The following SOX5 variants were observed in gnomAD, a reference collection of about 807,000 sequenced individuals.
The protein encoded by SOX5 is SRY-box transcription factor 5.
A neutral mutation model predicts 92.0 loss-of-function variants in SOX5; 9 were observed. The observed-to-expected ratio is 0.10, with a 90% confidence interval of 0.06 to 0.17. SOX5 has a LOEUF of 0.17. Among genes scored for constraint, SOX5 ranks in the 10% least tolerant of loss-of-function variants. SOX5 has a pLI of 1.00. For synonymous variants in SOX5, 344 were observed against 336.3 expected (o/e 1.02, Z -0.25); for missense variants, 642 against 944.5 (o/e 0.68, Z 4.20).
At chr12:24,358,643 T>C (rs1305066067) in intron 2 of SOX5, among the ~76,000 whole-genome samples, 1 of 152,012 alleles carries the variant, frequency 6.6e-6, no homozygotes, top group Admixed American at 6.6e-5. Context: ...TTCACTGTCT[T>C]CCAAGAATGG....
intron 4 of SOX5, among the ~76,000 whole-genome samples, chr12:24,081,366 T>C (rs1252795015): frequency 1.3e-5 from 2 of 152,016 alleles, no homozygotes; most frequent in Non-Finnish European, 1.5e-5. Context: ...TAACCACAGA[T>C]GCAGTTTATG....
intron 1 of SOX5, among the ~76,000 whole-genome samples, chr12:23,948,450 C>T (rs1056758808): frequency 2.0e-5 from 3 of 151,856 alleles, no homozygotes; most frequent in South Asian, 2.1e-4. Context: ...GTCGTTTGAG[C>T]GATGAACAGC....
intron 3 of SOX5, among the ~76,000 whole-genome samples, chr12:23,826,266 C>A (rs879644500): frequency 6.7e-6 from 1 of 148,566 alleles, no homozygotes; most frequent in East Asian, 2.0e-4. Context: ...TGAGTGAGAT[C>A]ATGTGGTGTT....
intron 2 of SOX5, among the ~76,000 whole-genome samples, chr12:23,880,454 G>GA (rs1346149725): frequency 1.3e-5 from 2 of 151,824 alleles, no homozygotes; most frequent in East Asian, 3.8e-4. Flanking sequence ...TAACATAGGA[G>GA]AAAAAAAATT....
chr12:23,851,573 G>C (rs1371309388), intron 2 of SOX5, among the ~76,000 whole-genome samples: 1 of 152,060 alleles, frequency 6.6e-6, no homozygotes, highest in South Asian at 2.1e-4. Context: ...CCTCTGAAGA[G>C]TGTTTGTTAT....
chr12:24,088,286 C>A (rs890554156), intron 4 of SOX5, among the ~76,000 whole-genome samples: 3 of 151,960 alleles, frequency 2.0e-5, no homozygotes, highest in Non-Finnish European at 4.4e-5. Context: ...TTCCTTACCC[C>A]TGTAATTATA....
chr12:23,584,661 G>A lies in SOX5; in HGVS notation c.1165-8823C>T, dbSNP rs1592288396. On this transcript the variant is annotated intron_variant, in intron 9 of 14. Coordinates refer to ENST00000451604, the MANE Select transcript of SOX5 (RefSeq NM_006940.6). ...GTTAACTGATATAAACCATGCATTG[G>A]TTTATATTTGGGAGATGAGTGAAGG... 4.3e-6 allele frequency: 6 copies of A among 1,401,116 alleles called. No individual in the cohort carries two copies. The East Asian group carries it at 1.4e-4, about 32-fold the overall frequency. The allele number at this position is 1,401,116 out of a possible 1,614,324, so 86.8% of individuals were successfully genotyped here. A position where few individuals can be genotyped will look rare whatever the true frequency, so the allele number is the denominator to read the frequency against.
chr12:23,930,175 T>C (rs547899414), intron 1 of SOX5, among the ~76,000 whole-genome samples: 5 of 151,978 alleles, frequency 3.3e-5, no homozygotes, highest in African/African-American at 1.2e-4. Flanking sequence ...ATGGCTAAGT[T>C]GTTCACACTG....
intron 3 of SOX5, chr12:24,227,897 C>G (rs1427393785): frequency 6.6e-6 from 1 of 152,158 alleles, no homozygotes; most frequent in Non-Finnish European, 1.5e-5. Flanking sequence ...TTTAAAGTCT[C>G]TGTAGTCACG....
intron 6 of SOX5, among the ~76,000 whole-genome samples, chr12:23,718,778 G>C (rs1477781656): frequency 6.6e-6 from 1 of 152,136 alleles, no homozygotes; most frequent in Non-Finnish European, 1.5e-5. Flanking sequence ...GAAAGGAAAA[G>C]GAAAAGACTG....
intron 1 of SOX5, among the ~76,000 whole-genome samples, chr12:24,433,422 TG>T (rs1938756006): frequency 6.6e-6 from 1 of 152,222 alleles, no homozygotes; most frequent in East Asian, 1.9e-4. Flanking sequence ...GAAGTTAACT[TG>T]ATAAGAGCAC....
intron 4 of SOX5, among the ~76,000 whole-genome samples, chr12:23,972,211 G>T (rs1569331564): frequency 1.3e-5 from 2 of 152,168 alleles, no homozygotes; most frequent in Non-Finnish European, 2.9e-5. Flanking sequence ...TTACTTCAAG[G>T]TATGTCAGTT....
chr12:23,814,438 G>C (rs535185753), intron 3 of SOX5, among the ~76,000 whole-genome samples: 1 of 152,290 alleles, frequency 6.6e-6, no homozygotes, highest in South Asian at 2.1e-4. Flanking sequence ...GGAAAAGACT[G>C]TACAACAGAG....
In SOX5 at chr12:24,331,848, C is replaced by CA. The variant is rs10627494; in HGVS notation, c.-174+36714dup. On this transcript the variant is annotated intron_variant, in intron 2 of 4. Coordinates refer to the SOX5 transcript ENST00000446891. ...GCCTGGGAACAGAGCAAGACTGTCT[C>CA]AAAAAAAAAAAAAAAAAAAAAAAAA... is the stretch of plus-strand genomic sequence containing the variant. Among the ~76,000 whole-genome samples the CA allele has an allele frequency of 1.0e-2, 316 of 31,662 alleles. 48 individuals are homozygous for CA. The highest frequency in any genetic ancestry group is 0.039 in the African/African-American group (269 of 6,876). 20.8% of individuals were successfully genotyped at this position (31,662 alleles called of 152,430 possible).
intron 3 of SOX5, among the ~76,000 whole-genome samples, chr12:23,802,311 A>G (rs1423433956): frequency 6.6e-6 from 1 of 151,972 alleles, no homozygotes. Context: ...CGATCTCCTG[A>G]CCTCGTGATC....
intron 3 of SOX5, among the ~76,000 whole-genome samples, chr12:23,824,923 T>C (rs967185164): frequency 2.0e-5 from 3 of 152,218 alleles, no homozygotes; most frequent in Admixed American, 6.5e-5. Context: ...GCCTCAGTTA[T>C]AGCAGATGCC....
At chr12:23,957,985 C>G (rs1946472995) in intron 4 of SOX5, among the ~76,000 whole-genome samples, 1 of 152,036 alleles carries the variant, frequency 6.6e-6, no homozygotes, top group Non-Finnish European at 1.5e-5. Context: ...AAACACCTAA[C>G]TGTTAATACC....
intron 8 of SOX5, among the ~76,000 whole-genome samples, chr12:23,629,057 C>A (rs1201748924): frequency 2.0e-5 from 3 of 151,954 alleles, no homozygotes; most frequent in Non-Finnish European, 4.4e-5. Flanking sequence ...TCACTTTGAA[C>A]CTTCTATGTA....
intron 4 of SOX5, among the ~76,000 whole-genome samples, chr12:23,988,203 A>G (rs1407590873): frequency 1.3e-5 from 2 of 152,178 alleles, no homozygotes; most frequent in Admixed American, 1.3e-4. Context: ...AGCTTGTAGG[A>G]AAAAATGAAG....
Sources: allele counts gnomAD v4.1 joint callset (sites outside exome capture counted in the v4.1 genomes callset), GRCh38; gene constraint gnomAD v4.1.1; transcripts MANE v1.5; gene names NCBI Gene and HGNC (gene_info 2026-07-23, HGNC 2026-07-21).